LGALS8: variants seen among roughly 807,000 people sequenced by gnomAD.
The protein encoded by LGALS8 is galectin-8.
In LGALS8, 30 loss-of-function variants were observed where a neutral mutation model predicts 35.9. That is an observed-to-expected ratio of 0.83 (90% CI 0.62 to 1.13). The LOEUF (loss-of-function observed/expected upper bound fraction) is 1.13, where lower values mean the gene tolerates loss of function less well. Ranked by LOEUF, LGALS8 falls within the 50% of genes most tolerant of loss-of-function variation. LGALS8 has a pLI of 0.00. For synonymous variants in LGALS8, 138 were observed against 136.1 expected, an observed-to-expected ratio of 1.01 and a Z score of -0.10; for missense variants, 366 against 388.7, an observed-to-expected ratio of 0.94 and a Z score of 0.49.
chr1:236,544,666 T>A, intron 8 of LGALS8, 84 bp from the exon 9 acceptor site: 1 of 1,019,796 alleles, frequency 9.8e-7, no homozygotes, highest in Non-Finnish European at 1.4e-6. Flanking sequence ...ATAGTTCAAG[T>A]CTGGTCACTA....
At position 236,549,029 on chromosome 1, in the gene LGALS8, C is replaced by T. The variant is rs1464013207; in HGVS notation, c.*868C>T. ...ATTCAATTTGAAAGATATTTATGGG[C>T]AACAAAGTAAGGTCAGGATTAGACT... On this transcript the variant is annotated 3_prime_UTR_variant, in exon 10 of 10. Coordinates refer to ENST00000366584, the MANE Select transcript of LGALS8 (RefSeq NM_201544.4). The T allele has an allele frequency of 5.0e-6, 2 of 398,400 alleles. No homozygotes were observed. The highest frequency in any genetic ancestry group is 2.1e-5 in the African/African-American group (1 of 48,596). 24.7% of individuals were successfully genotyped at this position (398,400 alleles called of 1,614,324 possible). A position where few individuals can be genotyped will look rare whatever the true frequency, so the allele number is the denominator to read the frequency against.
intron 2 of LGALS8, among the ~76,000 whole-genome samples, chr1:236,535,441 A>G (rs1204075747): frequency 6.6e-6 from 1 of 152,172 alleles, no homozygotes; most frequent in African/African-American, 2.4e-5. Context: ...AGATCATACT[A>G]TATATGGCTC....
chr1:236,524,088 G>T, intron 1 of LGALS8, 27 bp downstream of exon 1: 1 of 456,012 alleles, frequency 2.2e-6, no homozygotes, highest in South Asian at 1.5e-5. Context: ...CCGGCCTCGG[G>T]TGGCGGGGCA....
rs1392015060 is a variant in LGALS8, at chr1:236,548,811, G to A, written c.*650G>A. ...TAATAAACATGTGGCTCTATTAGCTGCAAGCTTTACCAAGTAATTGGCATG... is the reference window on the plus strand; with the variant it reads ...TAATAAACATGTGGCTCTATTAGCTACAAGCTTTACCAAGTAATTGGCATG... On this transcript the variant is annotated 3_prime_UTR_variant, in exon 10 of 10. Transcript: ENST00000366584. 3 of 396,860 alleles carry A rather than the reference G, an allele frequency of 7.6e-6. No individual in the cohort carries two copies. Among genetic ancestry groups the A allele is most frequent in the Non-Finnish European group, 1.3e-5 (3 of 225,390 alleles). The allele number at this position is 396,860 out of a possible 1,614,324, so 24.6% of individuals were successfully genotyped here.
upstream of LGALS8, among the ~76,000 whole-genome samples, chr1:236,522,668 C>T (rs889753940): frequency 6.6e-6 from 1 of 152,192 alleles, no homozygotes; most frequent in Non-Finnish European, 1.5e-5. Context: ...TTACACTATG[C>T]ACTGGAGACT....
intron 2 of LGALS8, among the ~76,000 whole-genome samples, chr1:236,529,055 C>T (rs1219908067): frequency 6.6e-6 from 1 of 152,120 alleles, no homozygotes; most frequent in Non-Finnish European, 1.5e-5. Context: ...GCTAGTGGAT[C>T]ACTTGAGCCC....
intron 2 of LGALS8, among the ~76,000 whole-genome samples, chr1:236,527,706 A>C (rs1660890314): frequency 6.6e-6 from 1 of 151,536 alleles, no homozygotes; most frequent in African/African-American, 2.4e-5. Context: ...AAAGGCTGTA[A>C]ATAACTTATT....
intron 2 of LGALS8, among the ~76,000 whole-genome samples, chr1:236,531,636 T>C (rs819418): frequency 0.37 from 55,838 of 151,914 alleles, 10,873 homozygotes; most frequent in South Asian, 0.54. Flanking sequence ...CATTTTATTA[T>C]CTTTATTTGC....
chr1:236,521,599 G>A (rs187702048), upstream of LGALS8, among the ~76,000 whole-genome samples: 132 of 152,168 alleles, frequency 8.7e-4, 1 homozygote, highest in Non-Finnish European at 1.5e-3. Context: ...AGGCCGAGGC[G>A]GGCGGATCAC....
chr1:236,522,419 C>T (rs1660580256), upstream of LGALS8, among the ~76,000 whole-genome samples: 1 of 152,006 alleles, frequency 6.6e-6, no homozygotes, highest in Admixed American at 6.6e-5. Flanking sequence ...GCCTGGGCAA[C>T]ACAGTGGACC....
chr1:236,550,375 A>T lies in LGALS8; in HGVS notation c.*2214A>T, dbSNP rs976194633. On this transcript the variant is annotated 3_prime_UTR_variant, in exon 10 of 10. Transcript: ENST00000366584. ...AAGCATTCCAGAACCACTTCTCTTT[A>T]TGGGCACAACAAAGAAACGAAGGCT... The T allele has an allele frequency of 6.6e-6, 1 of 152,332 alleles. No homozygotes were observed. Among genetic ancestry groups the T allele is most frequent in the Admixed American group, 6.5e-5 (1 of 15,296 alleles). 9.4% of individuals were successfully genotyped at this position (152,332 alleles called of 1,614,324 possible).
rs1357694866 is a variant in LGALS8 at position 236,549,250 on chromosome 1, A to G, written c.*1089A>G. 8.7e-6 allele frequency: 3 copies of G among 346,134 alleles called. No individual in the cohort carries two copies. The allele number at this position is 346,134 out of a possible 1,614,324, so 21.4% of individuals were successfully genotyped here. On this transcript the variant is annotated 3_prime_UTR_variant, in exon 10 of 10. Transcript: ENST00000366584. ...TTCCACTTTACGTGATTAAAATCAA[A>G]CCTGTATCAGCAAGTTAAATGGTTC...
At chr1:236,524,199 G>T (rs1172782085) in intron 1 of LGALS8, 138 bp downstream of exon 1, 2 of 456,150 alleles carry the variant, frequency 4.4e-6, no homozygotes, top group African/African-American at 4.0e-5. Flanking sequence ...ACAGTGTCCA[G>T]TCCACCCCGA....
intron 5 of LGALS8, 119 bp downstream of exon 5, chr1:236,540,802 T>C (rs1661943352): frequency 9.2e-7 from 1 of 1,085,526 alleles, no homozygotes; most frequent in African/African-American, 1.6e-5. Flanking sequence ...CTGACTGTAG[T>C]ATTAATTTTT....
In LGALS8 at chr1:236,548,167, C is replaced by T. The variant is rs1662528315; in HGVS notation, c.*6C>T. On this transcript the variant is annotated 3_prime_UTR_variant, in exon 10 of 10. Coordinates refer to ENST00000366584, the MANE Select transcript of LGALS8 (RefSeq NM_201544.4). Reference sequence around the variant, plus strand: ...TGGAAGTAAGGAGCTGGTAGCCTACCTACACAGCTGCTACAAAAACCAAAA... The same window carrying T: ...TGGAAGTAAGGAGCTGGTAGCCTACTTACACAGCTGCTACAAAAACCAAAA... The T allele has an allele frequency of 3.1e-6, 5 of 1,610,678 alleles. No individual in the cohort carries two copies. The highest frequency in any genetic ancestry group is 4.2e-6 in the Non-Finnish European group (5 of 1,178,248).
At chr1:236,537,392 C>T in intron 2 of LGALS8, 105 bp from the exon 3 acceptor site, 1 of 734,796 alleles carries the variant, frequency 1.4e-6, no homozygotes, top group Admixed American at 2.1e-5. Flanking sequence ...TATGTGCAGC[C>T]TTAAAAAGTG....
Position 236,543,583 on chromosome 1 carries a change from G to C in LGALS8, c.573G>C (p.Leu191Phe). 1 of 1,614,040 alleles carries C rather than the reference G, an allele frequency of 6.2e-7. No individual in the cohort carries two copies. The highest frequency in any genetic ancestry group is 8.5e-7 in the Non-Finnish European group (1 of 1,179,948). Residue 191 changes from leucine (L) to phenylalanine (F), a missense_variant, in exon 8 of 10, where the codon TTG becomes TTC. Coordinates refer to ENST00000366584, the MANE Select transcript of LGALS8 (RefSeq NM_201544.4). ...AGAGGCTGCCATTCGCTGCAAGGTT[G>C]AACACCCCCATGGGCCCTGGACGAA... ...PQLRLPFAARLNTPMGPGRTV... is the reference protein window; with the variant it reads ...PQLRLPFAARFNTPMGPGRTV...
intron 4 of LGALS8, among the ~76,000 whole-genome samples, chr1:236,539,684 C>T (rs28475030): frequency 0.61 from 92,878 of 151,874 alleles, 29,295 homozygotes; most frequent in Non-Finnish European, 0.69. Context: ...TGTACCAACG[C>T]GAGAGAAGAC....
intron 2 of LGALS8, among the ~76,000 whole-genome samples, chr1:236,530,287 T>G (rs1661075533): frequency 6.6e-6 from 1 of 152,212 alleles, no homozygotes; most frequent in Non-Finnish European, 1.5e-5. Context: ...ACCTTACAAT[T>G]TAGTCTTAAA....
Sources: allele counts gnomAD v4.1 joint callset (sites outside exome capture counted in the v4.1 genomes callset), GRCh38; gene constraint gnomAD v4.1.1; transcripts MANE v1.5; gene names NCBI Gene and HGNC (gene_info 2026-07-23, HGNC 2026-07-21).